The following SKAP1 variants were observed in gnomAD, a reference collection of about 807,000 sequenced individuals.
SKAP1 encodes src kinase associated phosphoprotein 1.
SKAP1 carries 44 observed loss-of-function variants against 58.5 expected under a neutral mutation model. The observed-to-expected ratio is 0.75, with a 90% confidence interval of 0.59 to 0.97. The LOEUF is 0.97. SKAP1 is among the 50% of genes least tolerant of loss of function. The probability of loss-of-function intolerance (pLI) is 0.00; values close to 1 mark genes in which losing one functional copy is unlikely to be tolerated. For synonymous variants in SKAP1, 127 were observed against 149.7 expected (o/e 0.85, Z 1.11); for missense variants, 390 against 435.2 (o/e 0.90, Z 0.92).
upstream of SKAP1, among the ~76,000 whole-genome samples, chr17:48,433,218 C>A (rs1201001723): frequency 6.6e-6 from 1 of 152,132 alleles, no homozygotes; most frequent in Non-Finnish European, 1.5e-5. Flanking sequence ...TCGCAGGAAG[C>A]CAAATCTGAT....
intron 4 of SKAP1, among the ~76,000 whole-genome samples, chr17:48,277,183 A>G (rs1304319120): frequency 6.6e-6 from 1 of 152,238 alleles, no homozygotes; most frequent in Non-Finnish European, 1.5e-5. Flanking sequence ...CAATTTTCCA[A>G]AGGTTAGGAA....
chr17:48,416,980 A>G (rs1378281053), intron 1 of SKAP1, among the ~76,000 whole-genome samples: 1 of 152,236 alleles, frequency 6.6e-6, no homozygotes, highest in East Asian at 1.9e-4. Context: ...CATAGTGGGG[A>G]AAAATGACTT....
rs774723073 is a variant in SKAP1, at chr17:48,180,116, C to A, written c.764G>T (p.Ser255Ile). Residue 255 changes from serine to isoleucine, a missense_variant, in exon 9 of 13, where the codon AGT (serine) becomes ATT (isoleucine). Physicochemically the swap from Ser to Ile is moderately radical, Grantham distance 142. Coordinates refer to ENST00000336915, the MANE Select transcript of SKAP1 (RefSeq NM_003726.4). ...SQCRPTILPGSVGIKEPTEEK... is the reference protein window; with the variant it reads ...SQCRPTILPGIVGIKEPTEEK... ...CTCTGTAGGCTCTTTTATCCCCACA[C>A]TCCCAGGCAAGATAGTGGGTCTGCA... 6.2e-7 allele frequency: 1 copy of A among 1,613,852 alleles called. No individual in the cohort carries two copies. The highest frequency in any genetic ancestry group is 2.2e-5 in the East Asian group (1 of 44,856).
intron 2 of SKAP1, 137 bp downstream of exon 2, chr17:48,396,543 A>G (rs2067419949): frequency 3.8e-6 from 2 of 527,850 alleles, no homozygotes; most frequent in East Asian, 6.1e-5. Flanking sequence ...CTCCAGTTCA[A>G]TTCAGTAAAT....
At chr17:48,315,785 T>C (rs1356283025) in intron 4 of SKAP1, among the ~76,000 whole-genome samples, 1 of 152,184 alleles carries the variant, frequency 6.6e-6, no homozygotes, top group East Asian at 1.9e-4. Flanking sequence ...AACTTTGTTT[T>C]ATGTACAAAA....
chr17:48,274,679 A>G (rs1300330635), intron 4 of SKAP1, among the ~76,000 whole-genome samples: 1 of 151,160 alleles, frequency 6.6e-6, no homozygotes, highest in African/African-American at 2.4e-5. Flanking sequence ...CCGGGCAACA[A>G]GAGTGAAACT....
chr17:48,224,056 G>A (rs1203836771), intron 4 of SKAP1, among the ~76,000 whole-genome samples: 2 of 54,060 alleles, frequency 3.7e-5, no homozygotes, highest in African/African-American at 7.0e-5. Context: ...GGAGGAGGAG[G>A]AGGAGGAGGA....
chr17:48,363,825 AG>A lies in SKAP1; in HGVS notation c.153-12del. On this transcript the variant is annotated splice_polypyrimidine_tract_variant and intron_variant, in intron 2 of 12. Transcript: ENST00000336915. ...AAATCCCAATAGTACCTGAAATACAAGGGGGAAAAAAAAAGGGAATAAGTCA... is the reference window on the plus strand; with the variant it reads ...AAATCCCAATAGTACCTGAAATACAAGGGGAAAAAAAAAGGGAATAAGTCA... 1.9e-6 allele frequency: 3 copies of A among 1,605,260 alleles called. No homozygotes were observed. The highest frequency in any genetic ancestry group is 2.2e-5 in the East Asian group (1 of 44,804).
chr17:48,438,419 T>C, the SKAP1 span, among the ~76,000 whole-genome samples: 1 of 152,212 alleles, frequency 6.6e-6, no homozygotes, highest in Non-Finnish European at 1.5e-5. Flanking sequence ...TCTTTCTTAC[T>C]CATTAAAGAT....
chr17:48,366,689 T>C (rs779622501), intron 2 of SKAP1, among the ~76,000 whole-genome samples: 5 of 152,180 alleles, frequency 3.3e-5, no homozygotes, highest in Admixed American at 6.5e-5. Context: ...AAAACATAGC[T>C]AATCAAGCAA....
At chr17:48,154,785 G>A (rs1567796020) in intron 11 of SKAP1, among the ~76,000 whole-genome samples, 2 of 152,092 alleles carry the variant, frequency 1.3e-5, no homozygotes, top group African/African-American at 4.8e-5. Flanking sequence ...TTGGCTGGGC[G>A]TGGTGGCTCA....
intron 4 of SKAP1, among the ~76,000 whole-genome samples, chr17:48,192,218 T>C (rs2064555783): frequency 6.6e-6 from 1 of 151,562 alleles, no homozygotes; most frequent in African/African-American, 2.4e-5. Context: ...AAAAATTAAA[T>C]GAAAGACATA....
At chr17:48,268,624 T>C (rs2143967941) in intron 4 of SKAP1, among the ~76,000 whole-genome samples, 1 of 152,208 alleles carries the variant, frequency 6.6e-6, no homozygotes, top group South Asian at 2.1e-4. Context: ...CCAGAGTAGT[T>C]GGGATTACAG....
chr17:48,307,398 A>C (rs983940713), intron 4 of SKAP1: 1 of 152,294 alleles, frequency 6.6e-6, no homozygotes. Context: ...CATGGATGCA[A>C]GGTCAGCCTT....
intron 1 of SKAP1, among the ~76,000 whole-genome samples, chr17:48,425,988 A>G (rs1375623147): frequency 1.3e-5 from 2 of 152,198 alleles, no homozygotes; most frequent in East Asian, 3.8e-4. Context: ...CTGGTTGGCT[A>G]AAGAAGAAAA....
Position 48,184,767 on chromosome 17 carries a change from C to T in SKAP1, c.523G>A (p.Glu175Lys), listed in dbSNP as rs868270032. 2 of 1,614,082 alleles carry T rather than the reference C, an allele frequency of 1.2e-6. No homozygotes were observed. The highest frequency in any genetic ancestry group is 2.2e-5 in the South Asian group (2 of 91,074). The change falls in exon 7 of 13, where the codon GAA becomes AAA. Residue 175 changes from glutamate (E) to lysine (K), a missense_variant. Glu to Lys is a moderately conservative substitution (Grantham distance 56). Transcript: ENST00000336915. ...TGGGAGGTCAGTTCAAAGCAGGATTCTTTCTTGGAATCTCTTCGCAGGTGG... is the reference window on the plus strand; with the variant it reads ...TGGGAGGTCAGTTCAAAGCAGGATTTTTTCTTGGAATCTCTTCGCAGGTGG... ...APHLRRDSKK[E>K]SCFELTSQDR... is the part of the protein sequence containing the mutation.
At chr17:48,372,904 T>A (rs1189334115) in intron 2 of SKAP1, among the ~76,000 whole-genome samples, 1 of 151,418 alleles carries the variant, frequency 6.6e-6, no homozygotes, top group East Asian at 2.0e-4. Context: ...TGCTTTGGCC[T>A]CCCCAAAGCA....
chr17:48,304,274 T>C (rs1377255112), intron 4 of SKAP1, among the ~76,000 whole-genome samples: 1 of 152,186 alleles, frequency 6.6e-6, no homozygotes, highest in Non-Finnish European at 1.5e-5. Flanking sequence ...GGAAAGGAAG[T>C]CTCTAACCTG....
Position 48,250,272 on chromosome 17 carries a change from GTTT to G in SKAP1, c.281-60775_281-60773del, listed in dbSNP as rs755523173. Among the ~76,000 whole-genome samples the G allele has an allele frequency of 1.9e-3, 138 of 74,038 alleles. 3 individuals are homozygous for G. Among genetic ancestry groups the G allele is most frequent in the African/African-American group, 7.1e-3 (133 of 18,634 alleles). The allele number at this position is 74,038 out of a possible 152,430, so 48.6% of individuals were successfully genotyped here. A position where few individuals can be genotyped will look rare whatever the true frequency, so the allele number is the denominator to read the frequency against. On this transcript the variant is annotated intron_variant, in intron 4 of 12. Transcript: ENST00000336915. ...TACATATATTTTGCTGCCATAGACA[GTTT>G]TTTTTTTTTTTTTTTTTTTTTTTTG...
Sources: gnomAD v4.1 joint callset for allele counts (sites outside exome capture counted in the v4.1 genomes callset) on GRCh38, gnomAD v4.1.1 for gene constraint, MANE v1.5 for transcripts, NCBI Gene and HGNC (gene_info 2026-07-23, HGNC 2026-07-21) for gene names.